Variants in PRSS16 observed in about 807,000 individuals in gnomAD.
The protein encoded by PRSS16 is serine protease 16, also known as thymus-specific serine protease.
A neutral mutation model predicts 61.7 loss-of-function variants in PRSS16; 43 were observed. The ratio of observed to expected loss-of-function variants is 0.70; its 90% confidence interval spans 0.55 to 0.90. The LOEUF is 0.90. PRSS16 is among the 40% of genes least tolerant of loss of function. The pLI is 0.00. For synonymous variants in PRSS16, 273 were observed against 285.2 expected (o/e 0.96, Z 0.43); for missense variants, 591 against 659.1 (o/e 0.90, Z 1.13).
In PRSS16 at chr6:27,254,684, C is replaced by T. The variant is rs1448255577; in HGVS notation, c.1151-9C>T. 6.2e-7 allele frequency: 1 copy of T among 1,606,526 alleles called. No homozygotes were observed. Among genetic ancestry groups the T allele is most frequent in the Non-Finnish European group, 8.5e-7 (1 of 1,173,454 alleles). On this transcript the variant is annotated splice_polypyrimidine_tract_variant and intron_variant, in intron 9 of 11. Transcript: ENST00000230582. ...GTATACCCACACTTACAGGTATCTC[C>T]CTACACAGATGTCACCTGTGAGAAT...
chr6:27,252,937 G>A lies in PRSS16; in HGVS notation c.1138G>A (p.Glu380Lys), dbSNP rs376962461. Residue 380 changes from glutamate (E) to lysine (K), a missense_variant, in exon 9 of 12, where the codon GAG becomes AAG. By Grantham distance (56) the Glu-to-Lys change is moderately conservative. Coordinates refer to ENST00000230582, the MANE Select transcript of PRSS16 (RefSeq NM_005865.4). The surrounding 1 kb of genome is among the most constrained non-coding windows in gnomAD (Gnocchi z 4.2). ...DRQWLYQTCTEFGFYVTCENP... is the reference protein window; with the variant it reads ...DRQWLYQTCTKFGFYVTCENP... Reference sequence around the variant, plus strand: ...GCAGTGGTTGTATCAGACATGTACCGAGTTCGGCTTCTGTAAGTGACTGGC... The same window carrying A: ...GCAGTGGTTGTATCAGACATGTACCAAGTTCGGCTTCTGTAAGTGACTGGC... 5.4e-5 allele frequency: 87 copies of A among 1,613,986 alleles called. No individual in the cohort carries two copies. Among genetic ancestry groups the A allele is most frequent in the Non-Finnish European group, 7.3e-5 (86 of 1,180,022 alleles).
chr6:27,251,585 T>TTGGGGGCGGGGGATTGGGGGCGGGGGCC lies in PRSS16; in HGVS notation c.718-153_718-152insATTGGGGGCGGGGGCCTGGGGGCGGGGG. On this transcript the variant is annotated intron_variant, in intron 7 of 11. Coordinates refer to ENST00000230582, the MANE Select transcript of PRSS16 (RefSeq NM_005865.4). This position sits in a 1 kb window ranked among gnomAD's most constrained non-coding sequence, Gnocchi z 5.6. ...AGAAGGAGGGCTGCGAGGCAGGGGA[T>TTGGGGGCGGGGGATTGGGGGCGGGGGCC]TGGGGGCGGGGGCCTGGGGGCGGGG... 2.1e-6 allele frequency: 1 copy of TTGGGGGCGGGGGATTGGGGGCGGGGGCC among 472,968 alleles called. No individual in the cohort carries two copies. Among genetic ancestry groups the TTGGGGGCGGGGGATTGGGGGCGGGGGCC allele is most frequent in the South Asian group, 2.7e-5 (1 of 37,400 alleles). 29.3% of individuals were successfully genotyped at this position (472,968 alleles called of 1,614,324 possible).
Position 27,255,101 on chromosome 6 carries a change from A to T in PRSS16, c.1446A>T (p.Ser482=). 1 of 1,614,208 alleles carries T rather than the reference A, an allele frequency of 6.2e-7. No homozygotes were observed. Among genetic ancestry groups the T allele is most frequent in the Middle Eastern group, 1.6e-4 (1 of 6,062 alleles). Residue 482 remains serine, a synonymous_variant, in exon 11 of 12, where the codon TCA becomes TCT. Coordinates refer to ENST00000230582, the MANE Select transcript of PRSS16 (RefSeq NM_005865.4). The surrounding 1 kb of genome is among the most constrained non-coding windows in gnomAD (Gnocchi z 4.4). ...HCLDMAPERP[S]DSPSLRLGRQ... is the part of the protein sequence containing the mutation. Reference sequence around the variant, plus strand: ...TGGACATGGCACCTGAGAGGCCCTCAGACTCCCCCAGCCTCCGCCTAGGGC... The same window carrying T: ...TGGACATGGCACCTGAGAGGCCCTCTGACTCCCCCAGCCTCCGCCTAGGGC...
chr6:27,247,789 T>TG lies in PRSS16; in HGVS notation c.56dup (p.Leu20ThrfsTer9). The stretch of plus-strand genomic sequence containing the variant: ...GGGCCCTCTGCTCTTGGTTTCCCTC[T>TG]GGGGACTCTTGGCTCCAGGTAAGAG... On this transcript the variant is annotated frameshift_variant, in exon 1 of 12. Transcript: ENST00000230582. LOFTEE classifies it high-confidence loss of function. 6.2e-7 allele frequency: 1 copy of TG among 1,608,686 alleles called. No homozygotes were observed. The highest frequency in any genetic ancestry group is 1.3e-5 in the African/African-American group (1 of 74,934).
rs955179604 is a variant in PRSS16 at position 27,250,918 on chromosome 6, A to T, written c.591+112A>T. ...CGCCCCTACCTTCCTCCCGCGCCCAAAGAATTTTGCACAAGCTGTCCTCAC... is the reference window on the plus strand; with the variant it reads ...CGCCCCTACCTTCCTCCCGCGCCCATAGAATTTTGCACAAGCTGTCCTCAC... On this transcript the variant is annotated intron_variant, in intron 5 of 11. Transcript: ENST00000230582. 8 of 1,561,418 alleles carry T rather than the reference A, an allele frequency of 5.1e-6. No individual in the cohort carries two copies. In the Admixed American group the frequency reaches 5.2e-5, roughly 10 times the overall value.
chr6:27,251,617 G>GGGCGGGGGCCTGGC lies in PRSS16; in HGVS notation c.718-133_718-132insGGCGGGGGCCTGGC. On this transcript the variant is annotated intron_variant, in intron 7 of 11. Coordinates refer to ENST00000230582, the MANE Select transcript of PRSS16 (RefSeq NM_005865.4). This position sits in a 1 kb window ranked among gnomAD's most constrained non-coding sequence, Gnocchi z 5.6. ...CGGGGGCCTGGGGGCGGGGGCCTGG[G>GGGCGGGGGCCTGGC]CCAAGAGCTAGGTCTGCACCCTCTG... is the stretch of plus-strand genomic sequence containing the variant. 1.6e-6 allele frequency: 2 copies of GGGCGGGGGCCTGGC among 1,215,626 alleles called. No homozygotes were observed. Among genetic ancestry groups the GGGCGGGGGCCTGGC allele is most frequent in the Non-Finnish European group, 2.2e-6 (2 of 908,348 alleles). The allele number at this position is 1,215,626 out of a possible 1,614,324, so 75.3% of individuals were successfully genotyped here.
intron 4 of PRSS16, among the ~76,000 whole-genome samples, chr6:27,250,366 A>C (rs1759849741): frequency 6.6e-6 from 1 of 152,160 alleles, no homozygotes; most frequent in African/African-American, 2.4e-5. Flanking sequence ...GAGTGCCCTC[A>C]ACCCTTCCCT....
At position 27,252,334 on chromosome 6, in the gene PRSS16, G is replaced by A; in HGVS notation, c.1008+294G>A. 2.2e-6 allele frequency: 1 copy of A among 445,462 alleles called. No individual in the cohort carries two copies. The highest frequency in any genetic ancestry group is 3.9e-6 in the Non-Finnish European group (1 of 254,276). The allele number at this position is 445,462 out of a possible 1,614,324, so 27.6% of individuals were successfully genotyped here. A position where few individuals can be genotyped will look rare whatever the true frequency, so the allele number is the denominator to read the frequency against. ...GGCCTGCAGGAGTGCCTGGCACATG[G>A]CAAATTCTCACTTAGTATTTTTAGA... is the stretch of plus-strand genomic sequence containing the variant. On this transcript the variant is annotated intron_variant, in intron 8 of 11. Coordinates refer to ENST00000230582, the MANE Select transcript of PRSS16 (RefSeq NM_005865.4). This position sits in a 1 kb window ranked among gnomAD's most constrained non-coding sequence, Gnocchi z 4.2.
At chr6:27,250,846 C>T in intron 5 of PRSS16, 40 bp downstream of exon 5, 2 of 1,580,516 alleles carry the variant, frequency 1.3e-6, no homozygotes, top group Non-Finnish European at 1.7e-6. Context: ...GGAGGGAACT[C>T]GGACTCCAGG....
Position 27,249,223 on chromosome 6 carries a change from G to A in PRSS16, c.461G>A (p.Arg154His), listed in dbSNP as rs760598569. Residue 154 changes from arginine (R) to histidine (H), a missense_variant, in exon 4 of 12, where the codon CGC becomes CAC. Physicochemically the swap from Arg to His is conservative, Grantham distance 29. Transcript: ENST00000230582. ...EMAQLRFLSS[R>H]LALADVVSAR... ...GCCCAGCTCCGCTTCTTGTCCAGCCGCCTTGCGTGAGTGGAGGAAGGGAAA... is the reference window on the plus strand; with the variant it reads ...GCCCAGCTCCGCTTCTTGTCCAGCCACCTTGCGTGAGTGGAGGAAGGGAAA... 10 of 1,613,262 alleles carry A rather than the reference G, an allele frequency of 6.2e-6. No individual in the cohort carries two copies. Among genetic ancestry groups the A allele is most frequent in the East Asian group, 2.2e-5 (1 of 44,882 alleles).
At position 27,255,312 on chromosome 6, in the gene PRSS16, C is replaced by T; in HGVS notation, c.1542C>T (p.Val514=). The T allele has an allele frequency of 1.2e-6, 2 of 1,606,910 alleles. No individual in the cohort carries two copies. The highest frequency in any genetic ancestry group is 1.7e-6 in the Non-Finnish European group (2 of 1,175,114). Residue 514 remains valine, a synonymous_variant, in exon 12 of 12, where the codon GTC becomes GTT. Coordinates refer to ENST00000230582, the MANE Select transcript of PRSS16 (RefSeq NM_005865.4). This position sits in a 1 kb window ranked among gnomAD's most constrained non-coding sequence, Gnocchi z 4.4. The part of the protein sequence containing the change: ...LAKESQIKGE[V] ...AGGAGAGCCAGATTAAGGGTGAAGT[C>T]TGAATCTCATACCCTTTCCACTCCC...
chr6:27,255,431 C>T lies in PRSS16; in HGVS notation c.*116C>T. The T allele has an allele frequency of 1.8e-6, 2 of 1,092,196 alleles. No individual in the cohort carries two copies. Among genetic ancestry groups the T allele is most frequent in the Non-Finnish European group, 2.7e-6 (2 of 754,480 alleles). 67.7% of individuals were successfully genotyped at this position (1,092,196 alleles called of 1,614,324 possible). On this transcript the variant is annotated 3_prime_UTR_variant, in exon 12 of 12. Coordinates refer to ENST00000230582, the MANE Select transcript of PRSS16 (RefSeq NM_005865.4). This position sits in a 1 kb window ranked among gnomAD's most constrained non-coding sequence, Gnocchi z 4.4. Reference sequence around the variant, plus strand: ...GAAACTCCCAGGAATTGGAATTCAGCACCTGTTCCGCACGTAATTGGCATG... The same window carrying T: ...GAAACTCCCAGGAATTGGAATTCAGTACCTGTTCCGCACGTAATTGGCATG...
chr6:27,254,603 G>A (rs1759988013), intron 9 of PRSS16, 90 bp from the exon 10 acceptor site: 1 of 1,263,080 alleles, frequency 7.9e-7, no homozygotes, highest in East Asian at 2.3e-5. Flanking sequence ...AAATGTTCTG[G>A]TCATCACTGA....
chr6:27,251,325 G>A lies in PRSS16; in HGVS notation c.717+61G>A. 1 of 1,536,072 alleles carries A rather than the reference G, an allele frequency of 6.5e-7. No homozygotes were observed. On this transcript the variant is annotated intron_variant, in intron 7 of 11. Coordinates refer to ENST00000230582, the MANE Select transcript of PRSS16 (RefSeq NM_005865.4). The surrounding 1 kb of genome is among the most constrained non-coding windows in gnomAD (Gnocchi z 5.6). Reference sequence around the variant, plus strand: ...GGGAAAAGAGGCCTCGGATGCCAGGGAAGAGGAGGCCAGAGAAGGGCGAAA... The same window carrying A: ...GGGAAAAGAGGCCTCGGATGCCAGGAAAGAGGAGGCCAGAGAAGGGCGAAA...
chr6:27,249,306 C>T (rs1184616079), intron 4 of PRSS16, 77 bp downstream of exon 4: 2 of 1,507,796 alleles, frequency 1.3e-6, no homozygotes. Flanking sequence ...ATCTGTGTCT[C>T]TCTCCTCCAC....
chr6:27,252,680 C>T lies in PRSS16; in HGVS notation c.1009-128C>T, dbSNP rs570022080. 6.5e-5 allele frequency: 65 copies of T among 997,796 alleles called. No individual in the cohort carries two copies. In the East Asian group the frequency reaches 1.6e-3, roughly 25 times the overall value. The allele number at this position is 997,796 out of a possible 1,614,324, so 61.8% of individuals were successfully genotyped here. A position where few individuals can be genotyped will look rare whatever the true frequency, so the allele number is the denominator to read the frequency against. ...CATCCACCCCCTCTGACCACTGACT[C>T]CCAGGAGAACTCAGGAACTCACCCT... is the stretch of plus-strand genomic sequence containing the variant. On this transcript the variant is annotated intron_variant, in intron 8 of 11. Transcript: ENST00000230582. This position sits in a 1 kb window ranked among gnomAD's most constrained non-coding sequence, Gnocchi z 4.2.
rs1759879819 is a variant in PRSS16, at chr6:27,251,111, T to G, written c.661T>G (p.Tyr221Asp). The G allele has an allele frequency of 6.2e-7, 1 of 1,613,932 alleles. No individual in the cohort carries two copies. The highest frequency in any genetic ancestry group is 8.5e-7 in the Non-Finnish European group (1 of 1,180,016). Residue 221 changes from tyrosine to aspartate, a missense_variant, in exon 6 of 12, where the codon TAT (tyrosine) becomes GAT (aspartate). Transcript: ENST00000230582. This position sits in a 1 kb window ranked among gnomAD's most constrained non-coding sequence, Gnocchi z 5.6. ...GCGGGCCGTGCTGGATTTCTCCGAGTATAATGACGTAAGGATGGCGGGCAG... is the reference window on the plus strand; with the variant it reads ...GCGGGCCGTGCTGGATTTCTCCGAGGATAATGACGTAAGGATGGCGGGCAG... ...PVRAVLDFSE[Y>D]NDVVSRSLMS... is the part of the protein sequence containing the mutation.
Position 27,251,202 on chromosome 6 carries a change from G to T in PRSS16, c.670-15G>T. ...TTGACACTTCCGGATACCTTCCTCT[G>T]CGGTCCGCCCACAGGTGGTATCCCG... On this transcript the variant is annotated splice_polypyrimidine_tract_variant and intron_variant, in intron 6 of 11. Transcript: ENST00000230582. The surrounding 1 kb of genome is among the most constrained non-coding windows in gnomAD (Gnocchi z 5.6). 1 of 1,613,458 alleles carries T rather than the reference G, an allele frequency of 6.2e-7. No homozygotes were observed. The highest frequency in any genetic ancestry group is 8.5e-7 in the Non-Finnish European group (1 of 1,179,648).
Position 27,251,364 on chromosome 6 carries a change from G to C in PRSS16, c.717+100G>C, listed in dbSNP as rs1759892689. The C allele has an allele frequency of 7.0e-7, 1 of 1,421,852 alleles. No individual in the cohort carries two copies. The highest frequency in any genetic ancestry group is 9.4e-7 in the Non-Finnish European group (1 of 1,063,778). 88.1% of individuals were successfully genotyped at this position (1,421,852 alleles called of 1,614,324 possible). The stretch of plus-strand genomic sequence containing the variant: ...AGAAGGGCGAAACCTGCAACGTGGC[G>C]GGGTCTAAGGAAGGTCGGAGCTCGG... On this transcript the variant is annotated intron_variant, in intron 7 of 11. Transcript: ENST00000230582. The surrounding 1 kb of genome is among the most constrained non-coding windows in gnomAD (Gnocchi z 5.6).
Sources: gnomAD v4.1 joint callset for allele counts (sites outside exome capture counted in the v4.1 genomes callset) on GRCh38, gnomAD v4.1.1 for gene constraint, Gnocchi (gnomAD v3.1) non-coding constraint, MANE v1.5 for transcripts, NCBI Gene and HGNC (gene_info 2026-07-23, HGNC 2026-07-21) for gene names.